Variants in COL23A1 observed in about 807,000 individuals in gnomAD.
The protein encoded by COL23A1 is collagen type XXIII alpha 1 chain.
In COL23A1, 97 loss-of-function variants were observed where a neutral mutation model predicts 99.3. That is an observed-to-expected ratio of 0.98 (90% CI 0.83 to 1.16). The LOEUF is 1.16. Ranked by LOEUF, COL23A1 falls within the 50% of genes most tolerant of loss-of-function variation. The probability of loss-of-function intolerance (pLI) is 0.00; values close to 1 mark genes in which losing one functional copy is unlikely to be tolerated. For missense variants in COL23A1, 762 were observed against 757.4 expected (o/e 1.01, Z -0.07); for synonymous variants, 320 against 308.2 (o/e 1.04, Z -0.40).
chr5:178,486,787 A>G (rs1339627994), intron 2 of COL23A1, among the ~76,000 whole-genome samples: 1 of 152,214 alleles, frequency 6.6e-6, no homozygotes, highest in Non-Finnish European at 1.5e-5. Flanking sequence ...GTTGGAAGGC[A>G]CACTTAAGAG....
chr5:178,355,727 T>C (rs550816366), intron 2 of COL23A1, among the ~76,000 whole-genome samples: 1 of 152,258 alleles, frequency 6.6e-6, no homozygotes, highest in South Asian at 2.1e-4. Context: ...CCTGACCTCA[T>C]GATCCGCCCG....
chr5:178,351,450 A>G (rs1239766413), intron 2 of COL23A1, among the ~76,000 whole-genome samples: 5 of 152,130 alleles, frequency 3.3e-5, no homozygotes, highest in African/African-American at 7.2e-5. Flanking sequence ...TGCCCAGGGA[A>G]CTGGGAGCTC....
chr5:178,424,656 T>G (rs966397691), intron 2 of COL23A1, among the ~76,000 whole-genome samples: 1 of 152,226 alleles, frequency 6.6e-6, no homozygotes, highest in Non-Finnish European at 1.5e-5. Context: ...GTCCTAGACT[T>G]TCTTCCTTGA....
chr5:178,288,599 G>A (rs556588968), intron 4 of COL23A1: 2 of 604,454 alleles, frequency 3.3e-6, no homozygotes, highest in African/African-American at 1.9e-5. Flanking sequence ...AGTCACATGT[G>A]TGCCCTCCCC....
At chr5:178,483,201 A>T (rs1581476733) in intron 2 of COL23A1, among the ~76,000 whole-genome samples, 1 of 152,378 alleles carries the variant, frequency 6.6e-6, no homozygotes, top group East Asian at 1.9e-4. Flanking sequence ...TTATGCAGAT[A>T]TCTAGAGTTA....
At chr5:178,389,097 T>G (rs1330556003) in intron 2 of COL23A1, among the ~76,000 whole-genome samples, 2 of 152,132 alleles carry the variant, frequency 1.3e-5, no homozygotes, top group Non-Finnish European at 2.9e-5. Context: ...TCCCCAAACC[T>G]GGCTGTCACG....
intron 2 of COL23A1, among the ~76,000 whole-genome samples, chr5:178,492,221 G>A (rs1197901005): frequency 6.6e-6 from 1 of 152,118 alleles, no homozygotes; most frequent in Non-Finnish European, 1.5e-5. Flanking sequence ...GCCATGTTAT[G>A]AACTGTATTG....
rs1386044305 is a variant in COL23A1 at position 178,589,651 on chromosome 5, T to C, written c.294+253A>G. ...TTACTCCAAAGTCCCTGGTCTCTCC[T>C]TCCCCTTTCTCGCGGCCGCCTGCCT... On this transcript the variant is annotated intron_variant, in intron 1 of 28. Coordinates refer to ENST00000390654, the MANE Select transcript of COL23A1 (RefSeq NM_173465.4). The surrounding 1 kb of genome is among the most constrained non-coding windows in gnomAD (Gnocchi z 5.4). 6.6e-6 allele frequency among the ~76,000 whole-genome samples: 1 copy of C among 152,144 alleles called. No homozygotes were observed. The highest frequency in any genetic ancestry group is 6.5e-5 in the Admixed American group (1 of 15,282).
chr5:178,493,303 T>C (rs1431370050), intron 2 of COL23A1, among the ~76,000 whole-genome samples: 2 of 152,194 alleles, frequency 1.3e-5, no homozygotes, highest in Admixed American at 6.5e-5. Flanking sequence ...CACTGAACCC[T>C]GCTCCACGAG....
intron 2 of COL23A1, among the ~76,000 whole-genome samples, chr5:178,347,060 G>A (rs971777172): frequency 6.6e-6 from 1 of 152,168 alleles, no homozygotes; most frequent in Non-Finnish European, 1.5e-5. Flanking sequence ...AGGCCCAGCA[G>A]GGTCTGGTGG....
rs1052801318 is a variant in COL23A1, at chr5:178,433,116, C to G, written c.362-126197G>C. ...AGAAGTCCCACAGTTCAGTTCCATCCTGACACTACTGGAAGTTGGTATGGA... is the reference window on the plus strand; with the variant it reads ...AGAAGTCCCACAGTTCAGTTCCATCGTGACACTACTGGAAGTTGGTATGGA... On this transcript the variant is annotated intron_variant, in intron 2 of 28. Coordinates refer to ENST00000390654, the MANE Select transcript of COL23A1 (RefSeq NM_173465.4). 4.6e-5 allele frequency among the ~76,000 whole-genome samples: 7 copies of G among 152,186 alleles called. 1 individual carries two copies. The highest frequency in any genetic ancestry group is 1.3e-4 in the Admixed American group (2 of 15,294).
At chr5:178,250,474 G>C (rs1764975919) in intron 17 of COL23A1, among the ~76,000 whole-genome samples, 1 of 152,194 alleles carries the variant, frequency 6.6e-6, no homozygotes, top group Non-Finnish European at 1.5e-5. Flanking sequence ...CAGGCCACAG[G>C]GTGTGCAAGC....
rs939564529 is a variant in COL23A1, at chr5:178,307,651, C to T, written c.362-732G>A. The stretch of plus-strand genomic sequence containing the variant: ...CTCAGCGCTGAAGGAGACGCTTTGA[C>T]TCTGGCCGTGGGAGCAGAGGTCTGA... On this transcript the variant is annotated intron_variant, in intron 2 of 28. Coordinates refer to ENST00000390654, the MANE Select transcript of COL23A1 (RefSeq NM_173465.4). This position sits in a 1 kb window ranked among gnomAD's most constrained non-coding sequence, Gnocchi z 4.2. Among the ~76,000 whole-genome samples, 45 of 152,252 alleles carry T rather than the reference C, an allele frequency of 3.0e-4. No homozygotes were observed. Among genetic ancestry groups the T allele is most frequent in the African/African-American group, 1.1e-3 (44 of 41,468 alleles).
At chr5:178,454,436 G>GC (rs1325756199) in intron 2 of COL23A1, among the ~76,000 whole-genome samples, 7 of 152,184 alleles carry the variant, frequency 4.6e-5, no homozygotes, top group Non-Finnish European at 1.0e-4. Flanking sequence ...AACAGGATGT[G>GC]CATTGCTCTC....
intron 2 of COL23A1, among the ~76,000 whole-genome samples, chr5:178,363,028 TCCACTCCCACAGCAAC>T (rs1561903297): frequency 1.0e-4 from 9 of 86,768 alleles, no homozygotes; most frequent in Middle Eastern, 6.3e-3. Flanking sequence ...CCCACAGCAA[TCCACTCCCACAGCAAC>T]CCACTCCCAC....
intron 2 of COL23A1, among the ~76,000 whole-genome samples, chr5:178,518,503 G>T (rs1394098893): frequency 6.8e-6 from 1 of 147,314 alleles, no homozygotes; most frequent in Admixed American, 6.8e-5. Flanking sequence ...CCTCCCGGAC[G>T]GGGTGGCTGG....
intron 2 of COL23A1, among the ~76,000 whole-genome samples, chr5:178,482,040 C>T (rs1278577244): frequency 6.7e-6 from 1 of 148,882 alleles, no homozygotes; most frequent in East Asian, 2.0e-4. Context: ...AAAAAAGGCG[C>T]AGCTGCTGTG....
intron 21 of COL23A1, 94 bp downstream of exon 21, chr5:178,247,681 G>T (rs905061877): frequency 4.5e-6 from 7 of 1,542,206 alleles, no homozygotes; most frequent in Non-Finnish European, 5.4e-6. Flanking sequence ...GAAGAAGCCC[G>T]CTCTCTCCTG....
At chr5:178,423,522 C>G (rs1390650151) in intron 2 of COL23A1, among the ~76,000 whole-genome samples, 2 of 152,190 alleles carry the variant, frequency 1.3e-5, no homozygotes, top group Non-Finnish European at 2.9e-5. Flanking sequence ...GTAGCCTGGG[C>G]TGAGCCGCGA....
Sources: gnomAD v4.1 joint callset for allele counts (sites outside exome capture counted in the v4.1 genomes callset) on GRCh38, gnomAD v4.1.1 for gene constraint, Gnocchi (gnomAD v3.1) non-coding constraint, MANE v1.5 for transcripts, NCBI Gene and HGNC (gene_info 2026-07-23, HGNC 2026-07-21) for gene names.